Variants in EXOC6 observed in about 807,000 individuals in gnomAD.
EXOC6 encodes the protein SEC15-like 1.
EXOC6 carries 60 observed loss-of-function variants against 112.5 expected under a neutral mutation model. The observed-to-expected ratio is 0.53, with a 90% CI of 0.43 to 0.66. The LOEUF is 0.66. Ranked by LOEUF, EXOC6 falls within the 30% of genes least tolerant of loss-of-function variation. EXOC6 has a pLI of 0.00. For synonymous variants in EXOC6, 295 were observed against 308.0 expected, an observed-to-expected ratio of 0.96 and a Z score of 0.44; for missense variants, 855 against 957.1, an observed-to-expected ratio of 0.89 and a Z score of 1.41.
At chr10:92,875,106 A>C (rs1564792354) in intron 1 of EXOC6, among the ~76,000 whole-genome samples, 1 of 152,174 alleles carries the variant, frequency 6.6e-6, no homozygotes, top group Non-Finnish European at 1.5e-5. Flanking sequence ...GAGTCATGCT[A>C]TCCCCAGGCA....
At chr10:92,891,821 T>C (rs941238410) in intron 1 of EXOC6, among the ~76,000 whole-genome samples, 2 of 152,192 alleles carry the variant, frequency 1.3e-5, no homozygotes, top group African/African-American at 4.8e-5. Flanking sequence ...TCCTATATTG[T>C]TACCTCTTGT....
At chr10:92,909,656 T>A in intron 6 of EXOC6, 25 bp downstream of exon 6, 2 of 1,392,316 alleles carry the variant, frequency 1.4e-6, no homozygotes, top group Non-Finnish European at 2.0e-6. Context: ...AATTTTGATT[T>A]AATATTATTT....
At chr10:93,017,616 C>T (rs981353933) in intron 20 of EXOC6, among the ~76,000 whole-genome samples, 12 of 151,836 alleles carry the variant, frequency 7.9e-5, no homozygotes, top group African/African-American at 1.7e-4. Context: ...ATATTGGGTA[C>T]AATGTATACT....
At chr10:92,883,987 C>G (rs1849084981) in intron 1 of EXOC6, among the ~76,000 whole-genome samples, 2 of 152,190 alleles carry the variant, frequency 1.3e-5, no homozygotes, top group African/African-American at 4.8e-5. Flanking sequence ...GCCTCTGCCT[C>G]CTGGGTTTAA....
intron 1 of EXOC6, among the ~76,000 whole-genome samples, chr10:92,890,680 A>C (rs1009445754): frequency 6.6e-6 from 1 of 152,042 alleles, no homozygotes; most frequent in African/African-American, 2.4e-5. Context: ...CTGTCTGCCT[A>C]TCTATCTCTG....
chr10:92,923,224 C>G (rs1851539505), intron 8 of EXOC6, among the ~76,000 whole-genome samples: 1 of 152,068 alleles, frequency 6.6e-6, no homozygotes, highest in Non-Finnish European at 1.5e-5. Context: ...TAGATGGTAC[C>G]CTTGGTTGGC....
At chr10:92,856,327 G>A (rs1490884262) in intron 1 of EXOC6, among the ~76,000 whole-genome samples, 1 of 151,728 alleles carries the variant, frequency 6.6e-6, no homozygotes, top group African/African-American at 2.4e-5. Flanking sequence ...TTTTAATATT[G>A]GTTTTTACAG....
rs1846660879 is a variant in EXOC6 at position 93,058,824 on chromosome 10, AATT to A, written c.*470_*472del. The A allele has an allele frequency of 6.6e-6, 1 of 152,208 alleles. No individual in the cohort carries two copies. The highest frequency in any genetic ancestry group is 6.5e-5 in the Admixed American group (1 of 15,290). 9.4% of individuals were successfully genotyped at this position (152,208 alleles called of 1,614,324 possible). Reference sequence around the variant, plus strand: ...CCTCAATGTGATTTAAGCAGACCAAAATTTCTAATTCTGCTAATTCTGAAGGGG... The same window carrying A: ...CCTCAATGTGATTTAAGCAGACCAAATCTAATTCTGCTAATTCTGAAGGGG... On this transcript the variant is annotated 3_prime_UTR_variant, in exon 22 of 22. Coordinates refer to ENST00000260762, the MANE Select transcript of EXOC6 (RefSeq NM_019053.6).
At chr10:92,860,055 G>A (rs1056829960) in intron 1 of EXOC6, among the ~76,000 whole-genome samples, 1 of 151,908 alleles carries the variant, frequency 6.6e-6, no homozygotes, top group Non-Finnish European at 1.5e-5. Context: ...GTGACAGAAT[G>A]TTTTCATTTT....
intron 19 of EXOC6, among the ~76,000 whole-genome samples, chr10:93,006,272 C>T (rs1843977329): frequency 6.6e-6 from 1 of 151,898 alleles, no homozygotes; most frequent in South Asian, 2.1e-4. Context: ...AGGGCTGTGC[C>T]CCATAATAAA....
chr10:93,029,725 T>G (rs747104567), intron 20 of EXOC6, among the ~76,000 whole-genome samples: 2 of 152,206 alleles, frequency 1.3e-5, no homozygotes, highest in Non-Finnish European at 2.9e-5. Context: ...AAAGATATTT[T>G]CCTTTGTTTT....
chr10:92,895,588 C>T (rs756140960), intron 4 of EXOC6, among the ~76,000 whole-genome samples: 19 of 152,074 alleles, frequency 1.2e-4, no homozygotes, highest in African/African-American at 1.9e-4. Context: ...AGATAAATTC[C>T]GAGGAAATTA....
At chr10:92,900,497 A>G (rs1850102873) in intron 5 of EXOC6, 1 of 152,130 alleles carries the variant, frequency 6.6e-6, no homozygotes, top group African/African-American at 2.4e-5. Context: ...ACCAGTTAAT[A>G]CAATTTAGTA....
At chr10:92,989,921 CAA>C (rs1332419438) in intron 18 of EXOC6, among the ~76,000 whole-genome samples, 3 of 152,110 alleles carry the variant, frequency 2.0e-5, no homozygotes, top group Non-Finnish European at 2.9e-5. Flanking sequence ...CTGTGGGAAT[CAA>C]AGTGGTATTT....
At chr10:92,927,836 G>A (rs1026376657) in intron 8 of EXOC6, among the ~76,000 whole-genome samples, 1 of 152,162 alleles carries the variant, frequency 6.6e-6, no homozygotes, top group African/African-American at 2.4e-5. Flanking sequence ...AATCATATGG[G>A]AAAAGGAAAC....
At chr10:92,891,178 T>TGTGAAAGGAGATC (rs1849480735) in intron 1 of EXOC6, among the ~76,000 whole-genome samples, 1 of 152,144 alleles carries the variant, frequency 6.6e-6, no homozygotes, top group African/African-American at 2.4e-5. Flanking sequence ...GGGCAGGTTT[T>TGTGAAAGGAGATC]GTGAAAGGAG....
At position 93,016,089 on chromosome 10, in the gene EXOC6, CTAAG is replaced by C. The variant is rs549390611; in HGVS notation, c.2169+1826_2169+1829del. On this transcript the variant is annotated intron_variant, in intron 20 of 21. Coordinates refer to ENST00000260762, the MANE Select transcript of EXOC6 (RefSeq NM_019053.6). ...TTTGAAATCTTTAAATTATCACTGGCTAAGTAAATGACTATTATTTTACAGTCAC... is the reference window on the plus strand; with the variant it reads ...TTTGAAATCTTTAAATTATCACTGGCTAAATGACTATTATTTTACAGTCAC... 2.9e-3 allele frequency among the ~76,000 whole-genome samples: 444 copies of C among 152,190 alleles called. 1 individual carries two copies. The highest frequency in any genetic ancestry group is 0.01 in the Middle Eastern group (3 of 294).
At chr10:93,037,599 C>G (rs1430175353) in intron 20 of EXOC6, among the ~76,000 whole-genome samples, 1 of 151,862 alleles carries the variant, frequency 6.6e-6, no homozygotes, top group Non-Finnish European at 1.5e-5. Flanking sequence ...GCCACCACAC[C>G]CAGCTAGTTT....
chr10:93,034,547 T>C (rs1845423849), intron 20 of EXOC6, among the ~76,000 whole-genome samples: 1 of 152,250 alleles, frequency 6.6e-6, no homozygotes, highest in Admixed American at 6.5e-5. Context: ...CTTTGAGTTC[T>C]GTCTAAAGGG....
Sources: allele counts gnomAD v4.1 joint callset (sites outside exome capture counted in the v4.1 genomes callset), GRCh38; gene constraint gnomAD v4.1.1; transcripts MANE v1.5; gene names NCBI Gene and HGNC (gene_info 2026-07-23, HGNC 2026-07-21).